The following CCND2 variants were observed in gnomAD, a reference collection of about 807,000 sequenced individuals.
The protein encoded by CCND2 is G1/S-specific cyclin-D2.
A neutral mutation model predicts 30.2 loss-of-function variants in CCND2; 6 were observed. The ratio of observed to expected loss-of-function variants is 0.20; its 90% confidence interval spans 0.11 to 0.39. The LOEUF (loss-of-function observed/expected upper bound fraction) is 0.39, where lower values mean the gene tolerates loss of function less well. Ranked by LOEUF, CCND2 falls within the 10% of genes least tolerant of loss-of-function variation. The pLI is 1.00. For missense variants in CCND2, 235 were observed against 373.4 expected (o/e 0.63, Z 3.06); for synonymous variants, 150 against 153.1 (o/e 0.98, Z 0.15).
Position 4,301,354 on chromosome 12 carries a change from T to A in CCND2, c.*1345T>A, listed in dbSNP as rs1001991494. On this transcript the variant is annotated 3_prime_UTR_variant, in exon 5 of 5. Coordinates refer to ENST00000261254, the MANE Select transcript of CCND2 (RefSeq NM_001759.4). ...GTGTGGCATTTTGTTCCCTTTTCCG[T>A]TTTTTTTTTTTTATTGTTGTTGTTA... The A allele has an allele frequency of 1.9e-3, 16 of 8,538 alleles. No individual in the cohort carries two copies. The highest frequency in any genetic ancestry group is 0.01 in the African/African-American group (15 of 1,474). 0.5% of individuals were successfully genotyped at this position (8,538 alleles called of 1,614,324 possible).
rs570358254 is a variant in CCND2 at position 4,288,057 on chromosome 12, C to T, written c.572-785C>T. On this transcript the variant is annotated intron_variant, in intron 3 of 4. Coordinates refer to ENST00000261254, the MANE Select transcript of CCND2 (RefSeq NM_001759.4). Reference sequence around the variant, plus strand: ...TCGAAACCGAGTCACCCATCTGATTCGGATGCAATGATTAATCTTCAGTGC... The same window carrying T: ...TCGAAACCGAGTCACCCATCTGATTTGGATGCAATGATTAATCTTCAGTGC... Among the ~76,000 whole-genome samples the T allele has an allele frequency of 7.4e-4, 113 of 152,238 alleles. 3 individuals are homozygous for T. In the South Asian group the frequency reaches 0.019, roughly 26 times the overall value.
chr12:4,274,036 T>C lies in CCND2; in HGVS notation c.-5T>C, dbSNP rs777793276. On this transcript the variant is annotated 5_prime_UTR_variant, in exon 1 of 5. Coordinates refer to ENST00000261254, the MANE Select transcript of CCND2 (RefSeq NM_001759.4). The surrounding 1 kb of genome is among the most constrained non-coding windows in gnomAD (Gnocchi z 7.7). ...GCAGGAGGGAGAGGGGCCGCCGGGCTGGCCATGGAGCTGCTGTGCCACGAG... is the reference window on the plus strand; with the variant it reads ...GCAGGAGGGAGAGGGGCCGCCGGGCCGGCCATGGAGCTGCTGTGCCACGAG... 3.7e-6 allele frequency: 6 copies of C among 1,607,616 alleles called. No homozygotes were observed. The African/African-American group carries it at 8.0e-5, about 21-fold the overall frequency.
chr12:4,281,206 T>G (rs3217820), intron 3 of CCND2, among the ~76,000 whole-genome samples: 1 of 152,110 alleles, frequency 6.6e-6, no homozygotes, highest in Admixed American at 6.5e-5. Context: ...GGCAGTTTCC[T>G]GGGTCTGGAA....
At chr12:4,295,863 G>A (rs1864161772) in intron 4 of CCND2, among the ~76,000 whole-genome samples, 1 of 152,248 alleles carries the variant, frequency 6.6e-6, no homozygotes, top group South Asian at 2.1e-4. Flanking sequence ...ATGCAGTTTT[G>A]TCTATCTATG....
intron 3 of CCND2, among the ~76,000 whole-genome samples, chr12:4,288,170 G>A (rs1431817013): frequency 6.6e-6 from 1 of 151,736 alleles, no homozygotes; most frequent in Non-Finnish European, 1.5e-5. Flanking sequence ...GGAACTGGGT[G>A]GAACTCAGCC....
intron 4 of CCND2, chr12:4,297,719 G>A (rs76944793): frequency 0.01 from 2,731 of 260,252 alleles, 89 homozygotes; most frequent in East Asian, 0.1. Flanking sequence ...CAGGGATGAG[G>A]CAGGTGAGCC....
chr12:4,289,125 A>C (rs1864061954), intron 4 of CCND2, 135 bp downstream of exon 4: 2 of 751,272 alleles, frequency 2.7e-6, no homozygotes, highest in Non-Finnish European at 2.0e-6. Flanking sequence ...AAGGGAGTGC[A>C]AAGTTCAGCA....
chr12:4,287,358 G>T lies in CCND2; in HGVS notation c.572-1484G>T, dbSNP rs1864038720. Among the ~76,000 whole-genome samples, 1 of 152,172 alleles carries T rather than the reference G, an allele frequency of 6.6e-6. No individual in the cohort carries two copies. Among genetic ancestry groups the T allele is most frequent in the Non-Finnish European group, 1.5e-5 (1 of 68,040 alleles). ...GTAGAAAGTGTGTTTGTAATAGAGT[G>T]TGTACAGGAGGAAGGGGAAATAGGA... On this transcript the variant is annotated intron_variant, in intron 3 of 4. Transcript: ENST00000261254. This position sits in a 1 kb window ranked among gnomAD's most constrained non-coding sequence, Gnocchi z 4.0.
chr12:4,273,949 A>G lies in CCND2; in HGVS notation c.-92A>G. On this transcript the variant is annotated 5_prime_UTR_variant, in exon 1 of 5. Transcript: ENST00000261254. The surrounding 1 kb of genome is among the most constrained non-coding windows in gnomAD (Gnocchi z 5.9). ...TTAGCCAAAGGAAGGAGGTCAGGGGAACGCTCTCCCCTCCCCTTCCAAAAA... is the reference window on the plus strand; with the variant it reads ...TTAGCCAAAGGAAGGAGGTCAGGGGGACGCTCTCCCCTCCCCTTCCAAAAA... The G allele has an allele frequency of 7.8e-7, 1 of 1,278,070 alleles. No individual in the cohort carries two copies. The highest frequency in any genetic ancestry group is 1.1e-6 in the Non-Finnish European group (1 of 933,098). 79.2% of individuals were successfully genotyped at this position (1,278,070 alleles called of 1,614,324 possible).
chr12:4,289,183 C>G lies in CCND2; in HGVS notation c.720+193C>G. On this transcript the variant is annotated intron_variant, in intron 4 of 4. Coordinates refer to ENST00000261254, the MANE Select transcript of CCND2 (RefSeq NM_001759.4). ...CTGAAAAGCTGTGCACGGGAAAATA[C>G]GGAAGAAAACTCAGCAAGCAGATGA... The G allele has an allele frequency of 1.1e-4, 16 of 152,280 alleles. No individual in the cohort carries two copies. In the South Asian group the frequency reaches 1.1e-3, roughly 11 times the overall value. The allele number at this position is 152,280 out of a possible 1,614,324, so 9.4% of individuals were successfully genotyped here. A position where few individuals can be genotyped will look rare whatever the true frequency, so the allele number is the denominator to read the frequency against.
rs1864267740 is a variant in CCND2 at position 4,302,696 on chromosome 12, G to A, written c.*2687G>A. ...CTGAATTGGCAGGATAAGAAAAATA[G>A]GTCAGATAAGTATGGGATGATAGTT... On this transcript the variant is annotated 3_prime_UTR_variant, in exon 5 of 5. Coordinates refer to ENST00000261254, the MANE Select transcript of CCND2 (RefSeq NM_001759.4). 1 of 233,190 alleles carries A rather than the reference G, an allele frequency of 4.3e-6. No homozygotes were observed. The highest frequency in any genetic ancestry group is 1.8e-4 in the South Asian group (1 of 5,518). The allele number at this position is 233,190 out of a possible 1,614,324, so 14.4% of individuals were successfully genotyped here.
chr12:4,298,183 G>A (rs187092871), intron 4 of CCND2, among the ~76,000 whole-genome samples: 6 of 152,282 alleles, frequency 3.9e-5, no homozygotes, highest in Non-Finnish European at 7.4e-5. Context: ...AATAACTTAG[G>A]TGCCACCTGC....
rs1401710319 is a variant in CCND2, at chr12:4,274,514, CTCT to C, written c.195+285_195+287del. On this transcript the variant is annotated intron_variant, in intron 1 of 4. Transcript: ENST00000261254. The surrounding 1 kb of genome is among the most constrained non-coding windows in gnomAD (Gnocchi z 7.7). ...CGCGCGTGTTCCTGCATGTGGCTGC[CTCT>C]TCTTCCCACCCCCCTCGCGACCTGT... Among the ~76,000 whole-genome samples the C allele has an allele frequency of 6.6e-6, 1 of 152,242 alleles. No individual in the cohort carries two copies. Among genetic ancestry groups the C allele is most frequent in the African/African-American group, 2.4e-5 (1 of 41,466 alleles).
At position 4,273,797 on chromosome 12, in the gene CCND2, A is replaced by T; in HGVS notation, c.-244A>T. 2 of 561,702 alleles carry T rather than the reference A, an allele frequency of 3.6e-6. No individual in the cohort carries two copies. The highest frequency in any genetic ancestry group is 4.5e-5 in the South Asian group (2 of 44,138). 34.8% of individuals were successfully genotyped at this position (561,702 alleles called of 1,614,324 possible). On this transcript the variant is annotated 5_prime_UTR_variant, in exon 1 of 5. Transcript: ENST00000261254. This position sits in a 1 kb window ranked among gnomAD's most constrained non-coding sequence, Gnocchi z 5.9. ...AGAGCGAGCAGGGGAGAGCGAGACC[A>T]GTTTTAAGGGGAGGACCGGTGCGAG... is the stretch of plus-strand genomic sequence containing the variant.
Position 4,301,998 on chromosome 12 carries a change from A to G in CCND2, c.*1989A>G, listed in dbSNP as rs1277421874. ...TCAAAGACGGAGTATTCTTTACCTC[A>G]GGTTTACTGGACAAAATCAATAACT... is the stretch of plus-strand genomic sequence containing the variant. On this transcript the variant is annotated 3_prime_UTR_variant, in exon 5 of 5. Transcript: ENST00000261254. The G allele has an allele frequency of 6.2e-5, 14 of 226,226 alleles. No homozygotes were observed. The East Asian group carries it at 8.6e-4, about 14-fold the overall frequency. The allele number at this position is 226,226 out of a possible 1,614,324, so 14.0% of individuals were successfully genotyped here. A position where few individuals can be genotyped will look rare whatever the true frequency, so the allele number is the denominator to read the frequency against.
chr12:4,294,592 G>C (rs1487639334), intron 4 of CCND2, among the ~76,000 whole-genome samples: 1 of 152,078 alleles, frequency 6.6e-6, no homozygotes, highest in African/African-American at 2.4e-5. Context: ...TCTTTACTTA[G>C]AGCTTAGAAG....
chr12:4,301,503 G>A lies in CCND2; in HGVS notation c.*1494G>A, dbSNP rs932426619. 1.4e-5 allele frequency: 3 copies of A among 222,098 alleles called. No individual in the cohort carries two copies. Among genetic ancestry groups the A allele is most frequent in the African/African-American group, 7.0e-5 (3 of 43,014 alleles). 13.8% of individuals were successfully genotyped at this position (222,098 alleles called of 1,614,324 possible). ...TTTTTTTTTTTGCACAATTGTAATT[G>A]ACAGGTAATGAAGCTATTTGTTAAA... On this transcript the variant is annotated 3_prime_UTR_variant, in exon 5 of 5. Transcript: ENST00000261254.
intron 3 of CCND2, among the ~76,000 whole-genome samples, chr12:4,286,938 T>C (rs1347118873): frequency 6.6e-6 from 1 of 152,176 alleles, no homozygotes; most frequent in African/African-American, 2.4e-5. Context: ...CCCAGGGCCA[T>C]GGGCCGGCTG....
In CCND2 at chr12:4,285,795, G is replaced by A. The variant is rs566155971; in HGVS notation, c.572-3047G>A. ...AGATGAAATGATGTTTGATTTTTTT[G>A]TTTTTCTCTCTGTTCAGTATCCCCT... On this transcript the variant is annotated intron_variant, in intron 3 of 4. Transcript: ENST00000261254. The surrounding 1 kb of genome is among the most constrained non-coding windows in gnomAD (Gnocchi z 4.1). Among the ~76,000 whole-genome samples, 1 of 152,106 alleles carries A rather than the reference G, an allele frequency of 6.6e-6. No homozygotes were observed. Among genetic ancestry groups the A allele is most frequent in the Non-Finnish European group, 1.5e-5 (1 of 68,014 alleles).
Sources: gnomAD v4.1 joint callset for allele counts (sites outside exome capture counted in the v4.1 genomes callset) on GRCh38, gnomAD v4.1.1 for gene constraint, Gnocchi (gnomAD v3.1) non-coding constraint, MANE v1.5 for transcripts, NCBI Gene and HGNC (gene_info 2026-07-23, HGNC 2026-07-21) for gene names.